The following SDC2 variants were observed in gnomAD, a reference collection of about 807,000 sequenced individuals.
SDC2 encodes syndecan 2, also known as syndecan-2.
In SDC2, 13 loss-of-function variants were observed where a neutral mutation model predicts 22.2. That is an observed-to-expected ratio of 0.59 (90% CI 0.38 to 0.93). The LOEUF is 0.93. SDC2 is among the 40% of genes least tolerant of loss of function. SDC2 has a pLI of 0.00. For synonymous variants in SDC2, 94 were observed against 92.8 expected, an observed-to-expected ratio of 1.01 and a Z score of -0.07; for missense variants, 235 against 246.8, an observed-to-expected ratio of 0.95 and a Z score of 0.32.
At chr8:96,572,040 A>C (rs1291444879) in intron 1 of SDC2, among the ~76,000 whole-genome samples, 1 of 152,118 alleles carries the variant, frequency 6.6e-6, no homozygotes, top group Non-Finnish European at 1.5e-5. Flanking sequence ...CCTTCTGTTA[A>C]AGGCCATCAG....
intron 1 of SDC2, among the ~76,000 whole-genome samples, chr8:96,513,853 A>G (rs1586273452): frequency 6.6e-6 from 1 of 152,158 alleles, no homozygotes; most frequent in Non-Finnish European, 1.5e-5. Context: ...ACCTGGAGCT[A>G]AGCTGGTGTT....
At chr8:96,558,637 A>G (rs972074488) in intron 1 of SDC2, among the ~76,000 whole-genome samples, 9 of 152,322 alleles carry the variant, frequency 5.9e-5, no homozygotes, top group South Asian at 2.1e-4. Context: ...TGGAGCACCA[A>G]TTCTTTCCAT....
chr8:96,569,715 G>A (rs1814359144), intron 1 of SDC2, among the ~76,000 whole-genome samples: 1 of 152,116 alleles, frequency 6.6e-6, no homozygotes, highest in Admixed American at 6.6e-5. Context: ...AACCTATAAA[G>A]TAGGTACCAT....
chr8:96,607,067 C>T (rs1815092707), intron 3 of SDC2, among the ~76,000 whole-genome samples: 1 of 152,170 alleles, frequency 6.6e-6, no homozygotes, highest in African/African-American at 2.4e-5. Flanking sequence ...TGAACTGTGC[C>T]TGTTGTGCTC....
At chr8:96,606,348 C>G (rs1405848092) in intron 3 of SDC2, among the ~76,000 whole-genome samples, 1 of 152,160 alleles carries the variant, frequency 6.6e-6, no homozygotes, top group East Asian at 1.9e-4. Context: ...GCTCCCTACC[C>G]AGCCACCTTT....
chr8:96,512,696 G>A (rs111484747), intron 1 of SDC2, among the ~76,000 whole-genome samples: 76 of 152,242 alleles, frequency 5.0e-4, no homozygotes, highest in African/African-American at 1.7e-3. Flanking sequence ...TTATTAGCAC[G>A]TGACATAAAG....
At chr8:96,531,980 A>T (rs1813669768) in intron 1 of SDC2, among the ~76,000 whole-genome samples, 1 of 152,218 alleles carries the variant, frequency 6.6e-6, no homozygotes, top group South Asian at 2.1e-4. Context: ...TGACCTCAAG[A>T]TGGTAGCTGT....
chr8:96,591,722 A>G (rs1272294138), intron 1 of SDC2, among the ~76,000 whole-genome samples: 1 of 152,110 alleles, frequency 6.6e-6, no homozygotes. Context: ...AGAAGAAACC[A>G]GGAGGTCCTC....
chr8:96,583,959 T>G (rs1171294145), intron 1 of SDC2, among the ~76,000 whole-genome samples: 1 of 152,200 alleles, frequency 6.6e-6, no homozygotes, highest in East Asian at 1.9e-4. Context: ...GTAAACACCC[T>G]AACTTTTATT....
rs192502074 is a variant in SDC2, at chr8:96,499,137, A to T, written c.60+4806A>T. 3.3e-5 allele frequency among the ~76,000 whole-genome samples: 5 copies of T among 152,304 alleles called. 1 individual carries two copies. Among genetic ancestry groups the T allele is most frequent in the African/African-American group, 1.2e-4 (5 of 41,560 alleles). ...CTGGCCCATTGATATCACTATCATGAACACTCCCTGGACATTGCTACTTTT... is the reference window on the plus strand; with the variant it reads ...CTGGCCCATTGATATCACTATCATGTACACTCCCTGGACATTGCTACTTTT... On this transcript the variant is annotated intron_variant, in intron 1 of 4. Transcript: ENST00000302190.
chr8:96,512,819 A>C (rs1813348067), intron 1 of SDC2, among the ~76,000 whole-genome samples: 1 of 152,236 alleles, frequency 6.6e-6, no homozygotes, highest in African/African-American at 2.4e-5. Flanking sequence ...GAGTAAAAGA[A>C]AATATAAACT....
At chr8:96,586,339 A>C (rs1476339327) in intron 1 of SDC2, 3 of 152,220 alleles carry the variant, frequency 2.0e-5, no homozygotes, top group Admixed American at 2.0e-4. Context: ...CCTTAGAAAA[A>C]AGGGTTTCTT....
intron 1 of SDC2, among the ~76,000 whole-genome samples, chr8:96,543,333 T>TA (rs1318905432): frequency 6.6e-6 from 1 of 152,232 alleles, no homozygotes; most frequent in African/African-American, 2.4e-5. Context: ...ATCCTGTTTT[T>TA]ATTTGCATAT....
At chr8:96,503,338 T>C (rs1193563316) in intron 1 of SDC2, among the ~76,000 whole-genome samples, 2 of 152,244 alleles carry the variant, frequency 1.3e-5, no homozygotes. Flanking sequence ...GATTCTAATT[T>C]AGACACTGAA....
In SDC2 at chr8:96,498,770, G is replaced by A. The variant is rs143705843; in HGVS notation, c.60+4439G>A. 2.3e-3 allele frequency among the ~76,000 whole-genome samples: 343 copies of A among 152,256 alleles called. 1 individual carries two copies. The highest frequency in any genetic ancestry group is 0.011 in the East Asian group (59 of 5,170). On this transcript the variant is annotated intron_variant, in intron 1 of 4. Transcript: ENST00000302190. ...CACCCAAAGTGCTGGGATTATAGAC[G>A]TGAGCCACTATGCCTGGCCATTGGT...
Position 96,606,244 on chromosome 8 carries a change from C to T in SDC2, c.307-2091C>T, listed in dbSNP as rs148847208. Among the ~76,000 whole-genome samples the T allele has an allele frequency of 5.4e-3, 821 of 151,618 alleles. 6 individuals are homozygous for T. The highest frequency in any genetic ancestry group is 0.018 in the African/African-American group (753 of 41,432). ...GATCAAGAGATCCTCCACAGGTACA[C>T]AGCACCATGCCTGGCTAATTTTAAA... is the stretch of plus-strand genomic sequence containing the variant. On this transcript the variant is annotated intron_variant, in intron 3 of 4. Coordinates refer to ENST00000302190, the MANE Select transcript of SDC2 (RefSeq NM_002998.4).
chr8:96,554,663 G>A lies in SDC2; in HGVS notation c.61-38817G>A, dbSNP rs541770502. Among the ~76,000 whole-genome samples, 3 of 152,316 alleles carry A rather than the reference G, an allele frequency of 2.0e-5. No individual in the cohort carries two copies. In the South Asian group the frequency reaches 6.2e-4, roughly 32 times the overall value. ...GCTCAAGGATGTTGGGCACCCAGGG[G>A]TGGTTGAACTGGCAGTTACGACTTG... On this transcript the variant is annotated intron_variant, in intron 1 of 4. Transcript: ENST00000302190.
intron 1 of SDC2, among the ~76,000 whole-genome samples, chr8:96,576,577 G>GC (rs1342968454): frequency 7.4e-6 from 1 of 135,416 alleles, no homozygotes; most frequent in Admixed American, 7.4e-5. Flanking sequence ...CCGCCACTAC[G>GC]CCCGGCTAAT....
chr8:96,582,043 A>T (rs10107541), intron 1 of SDC2, among the ~76,000 whole-genome samples: 1 of 152,168 alleles, frequency 6.6e-6, no homozygotes, highest in African/African-American at 2.4e-5. Flanking sequence ...TTCTGCCCCA[A>T]CTGCCATGGT....
Sources: allele counts gnomAD v4.1 joint callset (sites outside exome capture counted in the v4.1 genomes callset), GRCh38; gene constraint gnomAD v4.1.1; transcripts MANE v1.5; gene names NCBI Gene and HGNC (gene_info 2026-07-23, HGNC 2026-07-21).